TNIP1: variants seen among roughly 807,000 people sequenced by gnomAD.
TNIP1 encodes the protein TNFAIP3-interacting protein 1.
TNIP1 carries 22 observed loss-of-function variants against 86.6 expected under a neutral mutation model. That is an observed-to-expected ratio of 0.25 (90% CI 0.18 to 0.36). The LOEUF is 0.36. TNIP1 is among the 10% of genes least tolerant of loss of function. The pLI is 1.00. For synonymous variants in TNIP1, 294 were observed against 313.0 expected (o/e 0.94, Z 0.64); for missense variants, 709 against 820.6 (o/e 0.86, Z 1.66).
chr5:151,040,554 G>A (rs1489027488), intron 11 of TNIP1, among the ~76,000 whole-genome samples: 1 of 152,160 alleles, frequency 6.6e-6, no homozygotes, highest in African/African-American at 2.4e-5. Flanking sequence ...AGCTGACAGG[G>A]AAGAGCCCTC....
intron 17 of TNIP1, chr5:151,032,083 A>G (rs1320772168): frequency 1.0e-5 from 6 of 581,788 alleles, no homozygotes; most frequent in Non-Finnish European, 1.8e-5. Flanking sequence ...AATGCCTGGC[A>G]TTAGATAATG....
At chr5:151,052,109 G>T (rs1215425456) in intron 7 of TNIP1, 56 bp downstream of exon 7, 1 of 1,515,442 alleles carries the variant, frequency 6.6e-7, no homozygotes, top group Non-Finnish European at 9.1e-7. Context: ...CTGCACACCA[G>T]CCCCTCCTCC....
chr5:151,035,394 G>A (rs1757565184), intron 14 of TNIP1, among the ~76,000 whole-genome samples, 188 bp downstream of exon 14: 1 of 152,222 alleles, frequency 6.6e-6, no homozygotes, highest in Non-Finnish European at 1.5e-5. Flanking sequence ...ATATCTTAGA[G>A]TAAAACTCGT....
chr5:151,033,320 G>A (rs1233048180), intron 16 of TNIP1, among the ~76,000 whole-genome samples: 1 of 152,030 alleles, frequency 6.6e-6, no homozygotes, highest in Non-Finnish European at 1.5e-5. Context: ...GATACCCATG[G>A]CCTGGGGCCT....
At chr5:151,076,930 G>T (rs1257984634) in intron 1 of TNIP1, among the ~76,000 whole-genome samples, 1 of 152,228 alleles carries the variant, frequency 6.6e-6, no homozygotes, top group Non-Finnish European at 1.5e-5. Context: ...TTGAGACAAA[G>T]CAAAGGACAA....
intron 1 of TNIP1, among the ~76,000 whole-genome samples, chr5:151,066,760 C>T (rs1341953940): frequency 1.3e-5 from 2 of 152,184 alleles, no homozygotes; most frequent in Non-Finnish European, 2.9e-5. Flanking sequence ...GATGACCCGG[C>T]CGCAATAAGA....
chr5:151,081,980 A>G (rs1764059405), upstream of TNIP1, among the ~76,000 whole-genome samples: 1 of 152,272 alleles, frequency 6.6e-6, no homozygotes, highest in Non-Finnish European at 1.5e-5. Context: ...AGCTCTTTAA[A>G]CTAAATATAG....
chr5:151,036,755 G>A (rs1757754646), intron 13 of TNIP1, 35 bp downstream of exon 13: 16 of 1,613,356 alleles, frequency 9.9e-6, no homozygotes, highest in Non-Finnish European at 1.4e-5. Context: ...CTCCCACAGA[G>A]CACCTCCCAC....
rs1756763556 is a variant in TNIP1 at position 151,030,600 on chromosome 5, T to C, written c.*113A>G. The C allele has an allele frequency of 6.4e-7, 1 of 1,557,248 alleles. No homozygotes were observed. Among genetic ancestry groups the C allele is most frequent in the Admixed American group, 1.8e-5 (1 of 55,118 alleles). On this transcript the variant is annotated 3_prime_UTR_variant, in exon 18 of 18. Transcript: ENST00000521591. ...TACAAGCTGGCCACCCATCTCAGCCTCTCATCCAGCTGAGGCTCTGGCCAC... is the reference window on the plus strand; with the variant it reads ...TACAAGCTGGCCACCCATCTCAGCCCCTCATCCAGCTGAGGCTCTGGCCAC...
chr5:151,067,802 T>C (rs57834566), intron 1 of TNIP1, among the ~76,000 whole-genome samples: 3,288 of 152,222 alleles, frequency 0.022, 121 homozygotes, highest in African/African-American at 0.075. Flanking sequence ...CAAGGCCATG[T>C]CCAACATCCC....
At chr5:151,076,770 G>A (rs1459312063) in intron 1 of TNIP1, among the ~76,000 whole-genome samples, 1 of 152,204 alleles carries the variant, frequency 6.6e-6, no homozygotes, top group African/African-American at 2.4e-5. Flanking sequence ...AATAACACTG[G>A]AAGGGGCTGC....
At chr5:151,043,082 A>C (rs1758663400) in intron 9 of TNIP1, 121 bp from the exon 10 acceptor site, 5 of 975,262 alleles carry the variant, frequency 5.1e-6, no homozygotes, top group Non-Finnish European at 8.1e-6. Flanking sequence ...GTGGCTACAG[A>C]CACTGTCTCC....
chr5:151,080,584 C>A (rs1473898786), intron 1 of TNIP1, among the ~76,000 whole-genome samples: 2 of 152,242 alleles, frequency 1.3e-5, no homozygotes, highest in African/African-American at 4.8e-5. Context: ...CCCAAAGGGC[C>A]GCAGCGCCGC....
At chr5:151,083,380 G>C (rs1764155653), upstream of TNIP1, among the ~76,000 whole-genome samples, 1 of 152,168 alleles carries the variant, frequency 6.6e-6, no homozygotes, top group African/African-American at 2.4e-5. Context: ...CTTAAACTCA[G>C]CAATGCAACC....
intron 1 of TNIP1, among the ~76,000 whole-genome samples, chr5:151,066,243 C>T (rs1762224637): frequency 6.6e-6 from 1 of 152,228 alleles, no homozygotes; most frequent in African/African-American, 2.4e-5. Context: ...GGTGAGGGAA[C>T]TAGCCATGAA....
intron 6 of TNIP1, among the ~76,000 whole-genome samples, chr5:151,054,634 G>A (rs915936879): frequency 9.2e-5 from 14 of 152,144 alleles, no homozygotes; most frequent in African/African-American, 2.9e-4. Flanking sequence ...AGCTGTGGTC[G>A]CACCACTGCA....
At chr5:151,043,851 C>T (rs1225118629) in intron 9 of TNIP1, among the ~76,000 whole-genome samples, 2 of 151,938 alleles carry the variant, frequency 1.3e-5, no homozygotes. Flanking sequence ...GAAGATGACA[C>T]TATCCACCAT....
At position 151,030,621 on chromosome 5, in the gene TNIP1, G is replaced by A. The variant is rs763679915; in HGVS notation, c.*92C>T. Reference sequence around the variant, plus strand: ...AGCCTCTCATCCAGCTGAGGCTCTGGCCACACCGTGCAAGTGGCTTCTAGT... The same window carrying A: ...AGCCTCTCATCCAGCTGAGGCTCTGACCACACCGTGCAAGTGGCTTCTAGT... On this transcript the variant is annotated 3_prime_UTR_variant, in exon 18 of 18. Transcript: ENST00000521591. The A allele has an allele frequency of 1.1e-5, 18 of 1,597,572 alleles. No individual in the cohort carries two copies. In the South Asian group the frequency reaches 1.8e-4, roughly 16 times the overall value.
chr5:151,037,787 CA>C (rs1337507327), intron 12 of TNIP1, among the ~76,000 whole-genome samples: 2 of 152,178 alleles, frequency 1.3e-5, no homozygotes, highest in East Asian at 3.9e-4. Context: ...AGACCTGGCC[CA>C]ACTTGGACTC....
Sources: allele counts gnomAD v4.1 joint callset (sites outside exome capture counted in the v4.1 genomes callset), GRCh38; gene constraint gnomAD v4.1.1; transcripts MANE v1.5; gene names NCBI Gene and HGNC (gene_info 2026-07-23, HGNC 2026-07-21).